PLEKHA6: variants seen among roughly 807,000 people sequenced by gnomAD.
PLEKHA6 encodes pleckstrin homology domain containing A6.
PLEKHA6 carries 60 observed loss-of-function variants against 116.7 expected under a neutral mutation model. That is an observed-to-expected ratio of 0.51 (90% CI 0.42 to 0.64). The LOEUF is 0.64. Among genes scored for constraint, PLEKHA6 ranks in the 30% least tolerant of loss-of-function variants. PLEKHA6 has a pLI of 0.00. For synonymous variants in PLEKHA6, 489 were observed against 556.1 expected, an observed-to-expected ratio of 0.88 and a Z score of 1.70; for missense variants, 1,338 against 1,422.7, an observed-to-expected ratio of 0.94 and a Z score of 0.96.
At chr1:204,284,780 TA>T (rs1344172775) in intron 1 of PLEKHA6, among the ~76,000 whole-genome samples, 1 of 152,178 alleles carries the variant, frequency 6.6e-6, no homozygotes, top group Non-Finnish European at 1.5e-5. Flanking sequence ...GGAGTCTTGG[TA>T]ACTGACCACT....
chr1:204,319,684 A>AC (rs1379233270), intron 1 of PLEKHA6, among the ~76,000 whole-genome samples: 1 of 151,970 alleles, frequency 6.6e-6, no homozygotes, highest in Non-Finnish European at 1.5e-5. Flanking sequence ...TGCCTCCCCC[A>AC]CAGCACTCTG....
chr1:204,237,848 G>C (rs770054533), intron 17 of PLEKHA6, among the ~76,000 whole-genome samples: 5 of 152,228 alleles, frequency 3.3e-5, no homozygotes, highest in Non-Finnish European at 7.3e-5. Flanking sequence ...ATGACCTTAT[G>C]CTGATTGGAT....
At chr1:204,330,638 T>C (rs1672411230) in intron 1 of PLEKHA6, among the ~76,000 whole-genome samples, 1 of 152,156 alleles carries the variant, frequency 6.6e-6, no homozygotes, top group South Asian at 2.1e-4. Flanking sequence ...GTTCTTCCCT[T>C]CCCAGCAGAA....
chr1:204,271,896 CTTT>C (rs890814880), intron 3 of PLEKHA6, among the ~76,000 whole-genome samples: 1 of 151,278 alleles, frequency 6.6e-6, no homozygotes, highest in African/African-American at 2.4e-5. Context: ...CACGTATTTT[CTTT>C]TTTTTTATTA....
At chr1:204,311,730 C>A in intron 1 of PLEKHA6, 1 of 871,106 alleles carries the variant, frequency 1.1e-6, no homozygotes, top group Non-Finnish European at 1.4e-6. Flanking sequence ...AATATAATTC[C>A]TTTTCCTACT....
intron 1 of PLEKHA6, among the ~76,000 whole-genome samples, chr1:204,310,423 AAC>A (rs756054569): frequency 2.0e-5 from 3 of 152,178 alleles, no homozygotes; most frequent in African/African-American, 4.8e-5. Context: ...CTCTCATCCC[AAC>A]AGCAGTCAGA....
At chr1:204,226,967 A>G (rs1278529299) in intron 21 of PLEKHA6, among the ~76,000 whole-genome samples, 1 of 152,220 alleles carries the variant, frequency 6.6e-6, no homozygotes, top group African/African-American at 2.4e-5. Flanking sequence ...GCACTGTGCT[A>G]GGTGTTTGGC....
In PLEKHA6 at chr1:204,230,516, C is replaced by T. The variant is rs200865950; in HGVS notation, c.2480G>A (p.Arg827Gln). ...GGAGCCACTCTGGTGCCGCCGCATT[C>T]GGTCAATCTGCTCCTCCACGCTCAT... ...VKMSVEEQID[R>Q]MRRHQSGSMR... Residue 827 changes from arginine to glutamine, a missense_variant, in exon 18 of 23, where the codon CGA becomes CAA. By Grantham distance (43) the Arg-to-Gln change is conservative. Coordinates refer to ENST00000272203, the MANE Select transcript of PLEKHA6 (RefSeq NM_014935.5). The T allele has an allele frequency of 4.4e-6, 7 of 1,594,354 alleles. No homozygotes were observed. The highest frequency in any genetic ancestry group is 4.5e-5 in the East Asian group (2 of 44,342).
intron 13 of PLEKHA6, 62 bp downstream of exon 13, chr1:204,247,303 G>T: frequency 9.7e-7 from 1 of 1,026,410 alleles, no homozygotes; most frequent in Non-Finnish European, 1.5e-6. Context: ...CTTTTGTCTC[G>T]AGGCCAACTC....
chr1:204,272,503 C>T (rs1667570598), intron 3 of PLEKHA6, among the ~76,000 whole-genome samples: 1 of 152,210 alleles, frequency 6.6e-6, no homozygotes, highest in Non-Finnish European at 1.5e-5. Flanking sequence ...TCTTTAAAAA[C>T]ACTTTTTTGA....
rs1404900801 is a variant in PLEKHA6, at chr1:204,350,915, G to C, written c.-95+8779C>G. ...CTGGCTTTCCCAGTCCCACGAGGGA[G>C]AGAGGAGAGGGCTGTGCTGGGGGCA... On this transcript the variant is annotated intron_variant, in intron 1 of 22. Coordinates refer to ENST00000272203, the MANE Select transcript of PLEKHA6 (RefSeq NM_014935.5). Among the ~76,000 whole-genome samples the C allele has an allele frequency of 3.3e-5, 5 of 152,240 alleles. 1 individual carries two copies. The highest frequency in any genetic ancestry group is 1.2e-4 in the African/African-American group (5 of 41,460).
rs1331204242 is a variant in PLEKHA6, at chr1:204,259,541, C to T, written c.724G>A (p.Gly242Arg). 3 of 1,614,120 alleles carry T rather than the reference C, an allele frequency of 1.9e-6. No homozygotes were observed. Among genetic ancestry groups the T allele is most frequent in the South Asian group, 1.1e-5 (1 of 91,086 alleles). The part of the protein sequence containing the change: ...PPVKANGLPA[G>R]PEPASEPGSP... ...CCCGGCTCTGAGGCTGGCTCCGGTCCAGCTGGGAGGCCATTGGCTTTCACC... is the reference window on the plus strand; with the variant it reads ...CCCGGCTCTGAGGCTGGCTCCGGTCTAGCTGGGAGGCCATTGGCTTTCACC... The change falls in exon 8 of 23, where the codon GGA (glycine) becomes AGA (arginine). Residue 242 changes from glycine (G) to arginine (R), a missense_variant. Around this residue, in one of 3 missense-constraint regions of PLEKHA6, gnomAD observed 1,136 missense variants for 1,163.6 expected, o/e 0.98. Transcript: ENST00000272203. This position sits in a 1 kb window ranked among gnomAD's most constrained non-coding sequence, Gnocchi z 4.6.
chr1:204,267,402 G>C, intron 5 of PLEKHA6, 73 bp downstream of exon 5: 1 of 1,338,960 alleles, frequency 7.5e-7, no homozygotes, highest in Non-Finnish European at 1.1e-6. Context: ...CAAGCTCGGG[G>C]ATATGGCAGA....
chr1:204,279,838 A>G (rs1166795551), intron 1 of PLEKHA6, among the ~76,000 whole-genome samples: 1 of 152,224 alleles, frequency 6.6e-6, no homozygotes, highest in Non-Finnish European at 1.5e-5. Context: ...GGTACCTTCT[A>G]ACTACATGAA....
chr1:204,316,557 T>C (rs1204018539), intron 1 of PLEKHA6, among the ~76,000 whole-genome samples: 2 of 152,208 alleles, frequency 1.3e-5, no homozygotes, highest in Non-Finnish European at 2.9e-5. Context: ...GAGTTTGCCC[T>C]GCCTCCCCAC....
rs767728416 is a variant in PLEKHA6, at chr1:204,259,559, C to T, written c.706G>A (p.Ala236Thr). Reference protein sequence around the residue: ...PEVKKEPPVKANGLPAGPEPA... With the variant: ...PEVKKEPPVKTNGLPAGPEPA... The stretch of plus-strand genomic sequence containing the variant: ...TCCGGTCCAGCTGGGAGGCCATTGG[C>T]TTTCACCGGAGGCTCTTTCTTGACT... The change falls in exon 8 of 23, where the codon GCC (alanine) becomes ACC (threonine). Residue 236 changes from alanine (A) to threonine (T), a missense_variant. Ala to Thr is a moderately conservative substitution (Grantham distance 58). This residue lies in a region of PLEKHA6 where 1,136 missense variants were observed against 1,163.6 expected (regional missense o/e 0.98). Coordinates refer to ENST00000272203, the MANE Select transcript of PLEKHA6 (RefSeq NM_014935.5). This position sits in a 1 kb window ranked among gnomAD's most constrained non-coding sequence, Gnocchi z 4.6. 6.2e-7 allele frequency: 1 copy of T among 1,613,970 alleles called. No individual in the cohort carries two copies. The highest frequency in any genetic ancestry group is 8.5e-7 in the Non-Finnish European group (1 of 1,180,048).
At chr1:204,226,494 G>A (rs1027306694) in intron 21 of PLEKHA6, among the ~76,000 whole-genome samples, 1 of 152,194 alleles carries the variant, frequency 6.6e-6, no homozygotes, top group East Asian at 1.9e-4. Context: ...TTTGCCCAGA[G>A]CATGTGGAAT....
At position 204,257,265 on chromosome 1, in the gene PLEKHA6, T is replaced by C. The variant is rs931131268; in HGVS notation, c.1524+88A>G. ...CCCAGTGGCCCCGTGGCACAGATGC[T>C]CCCACATCTCTGCCTTTTCTCAGTA... On this transcript the variant is annotated intron_variant, in intron 9 of 22. Transcript: ENST00000272203. This position sits in a 1 kb window ranked among gnomAD's most constrained non-coding sequence, Gnocchi z 6.5. 1.4e-5 allele frequency: 18 copies of C among 1,266,122 alleles called. No homozygotes were observed. The Admixed American group carries it at 3.6e-4, about 26-fold the overall frequency. 78.4% of individuals were successfully genotyped at this position (1,266,122 alleles called of 1,614,324 possible).
intron 1 of PLEKHA6, among the ~76,000 whole-genome samples, chr1:204,322,182 C>G (rs1008667738): frequency 1.3e-5 from 2 of 151,592 alleles, no homozygotes; most frequent in South Asian, 4.1e-4. Flanking sequence ...AATACAGAGG[C>G]AGCAGAGCTT....
Sources: gnomAD v4.1 joint callset for allele counts (sites outside exome capture counted in the v4.1 genomes callset) on GRCh38, gnomAD v4.1.1 for gene constraint, gnomAD v4.1.1 regional missense constraint, Gnocchi (gnomAD v3.1) non-coding constraint, MANE v1.5 for transcripts, NCBI Gene and HGNC (gene_info 2026-07-23, HGNC 2026-07-21) for gene names.